LHX4: variants seen among roughly 807,000 people sequenced by gnomAD.
LHX4 encodes LIM/homeobox protein Lhx4.
LHX4 carries 16 observed loss-of-function variants against 39.2 expected under a neutral mutation model. That is an observed-to-expected ratio of 0.41 (90% CI 0.28 to 0.62). The LOEUF (loss-of-function observed/expected upper bound fraction) is 0.62, where lower values mean the gene tolerates loss of function less well. Ranked by LOEUF, LHX4 falls within the 20% of genes least tolerant of loss-of-function variation. The pLI is 0.33. For missense variants in LHX4, 439 were observed against 511.9 expected, an observed-to-expected ratio of 0.86 and a Z score of 1.37; for synonymous variants, 206 against 198.1, an observed-to-expected ratio of 1.04 and a Z score of -0.33.
upstream of LHX4, among the ~76,000 whole-genome samples, chr1:180,228,811 G>A (rs888193765): frequency 3.9e-5 from 6 of 152,206 alleles, no homozygotes; most frequent in African/African-American, 1.4e-4. Flanking sequence ...CCCTTGTTTG[G>A]AGATGACACC....
At position 180,255,385 on chromosome 1, in the gene LHX4, C is replaced by T. The variant is rs1357258013; in HGVS notation, c.248+6929C>T. Among the ~76,000 whole-genome samples, 8 of 152,184 alleles carry T rather than the reference C, an allele frequency of 5.3e-5. No homozygotes were observed. In the East Asian group the frequency reaches 5.8e-4, roughly 11 times the overall value. On this transcript the variant is annotated intron_variant, in intron 2 of 5. Coordinates refer to ENST00000263726, the MANE Select transcript of LHX4 (RefSeq NM_033343.4). ...ACACGCACACACACATGCATACACA[C>T]ACGCACACACGCGTGCACACACATG...
intron 1 of LHX4, among the ~76,000 whole-genome samples, chr1:180,239,283 C>G (rs1327833045): frequency 6.6e-6 from 1 of 152,234 alleles, no homozygotes; most frequent in Admixed American, 6.5e-5. Flanking sequence ...AAACCATCTT[C>G]CTTCTTTCTT....
At chr1:180,248,967 A>G (rs1307290300) in intron 2 of LHX4, among the ~76,000 whole-genome samples, 1 of 152,220 alleles carries the variant, frequency 6.6e-6, no homozygotes, top group Non-Finnish European at 1.5e-5. Context: ...GAGGCAAGCC[A>G]GGCTCGGTCA....
chr1:180,241,858 C>T (rs1432154121), intron 1 of LHX4, among the ~76,000 whole-genome samples: 1 of 151,912 alleles, frequency 6.6e-6, no homozygotes, highest in Non-Finnish European at 1.5e-5. Flanking sequence ...TACTCTGTTG[C>T]CCAGACTGGA....
At position 180,274,435 on chromosome 1, in the gene LHX4, T is replaced by C; in HGVS notation, c.1029T>C (p.His343=). The C allele has an allele frequency of 1.2e-6, 2 of 1,614,196 alleles. No homozygotes were observed. The highest frequency in any genetic ancestry group is 1.7e-6 in the Non-Finnish European group (2 of 1,180,034). Residue 343 remains histidine (H), a synonymous_variant, in exon 6 of 6, where the codon CAT becomes CAC. Transcript: ENST00000263726. ...ACAGTAATTTGGGCATCATTGCGCA[T>C]GCAGGGCAGGGAGTAAGCCAGACGC... ...TVDSNLGIIA[H]AGQGVSQTLR...
upstream of LHX4, chr1:180,230,187 C>T (rs1415602995): frequency 1.0e-5 from 4 of 398,504 alleles, no homozygotes. This position sits in a 1 kb window ranked among gnomAD's most constrained non-coding sequence, Gnocchi z 5.8. Flanking sequence ...GTGACCGCGG[C>T]CTCCCGGGCG....
At chr1:180,229,966 G>GGGGGGGC (rs1171507301), upstream of LHX4, among the ~76,000 whole-genome samples, 13 of 57,570 alleles carry the variant, frequency 2.3e-4, 1 homozygote, top group South Asian at 5.3e-4. Flanking sequence ...AGGCGGGGAG[G>GGGGGGGC]GGGGGGGGGT....
chr1:180,254,988 CAG>C (rs1275830193), intron 2 of LHX4, among the ~76,000 whole-genome samples: 2 of 152,160 alleles, frequency 1.3e-5, no homozygotes, highest in Non-Finnish European at 2.9e-5. Context: ...TAGTGGTGGT[CAG>C]GGGATTGAAC....
chr1:180,268,635 G>A (rs114976283), intron 3 of LHX4, among the ~76,000 whole-genome samples: 1 of 152,192 alleles, frequency 6.6e-6, no homozygotes, highest in African/African-American at 2.4e-5. Context: ...ATAGGATGAG[G>A]CTTGTGAAAT....
chr1:180,257,993 C>T (rs947659529), intron 2 of LHX4, among the ~76,000 whole-genome samples: 16 of 152,346 alleles, frequency 1.1e-4, no homozygotes, highest in African/African-American at 1.4e-4. Context: ...TCAAGCATTG[C>T]GCAGGACTGG....
intron 2 of LHX4, among the ~76,000 whole-genome samples, chr1:180,254,219 G>A (rs920829538): frequency 7.9e-5 from 12 of 152,178 alleles, no homozygotes; most frequent in Non-Finnish European, 1.6e-4. Flanking sequence ...TGTCTAAAAC[G>A]TCATGCTTCT....
intron 1 of LHX4, among the ~76,000 whole-genome samples, chr1:180,238,786 C>G (rs1664384978): frequency 6.6e-6 from 1 of 152,154 alleles, no homozygotes; most frequent in South Asian, 2.1e-4. Context: ...AAAACGAGAA[C>G]TATAAACGGT....
chr1:180,271,584 G>T, intron 4 of LHX4, 50 bp downstream of exon 4: 1 of 1,605,778 alleles, frequency 6.2e-7, no homozygotes, highest in Non-Finnish European at 8.5e-7. Context: ...GCCCGGGACA[G>T]GGGTGGAAGG....
intron 2 of LHX4, 104 bp downstream of exon 2, chr1:180,248,560 C>T: frequency 4.7e-6 from 6 of 1,276,688 alleles, no homozygotes; most frequent in African/African-American, 1.5e-5. Flanking sequence ...GTGGAGAGTC[C>T]ACTCTGGGAG....
At chr1:180,262,681 G>GA (rs56740419) in intron 2 of LHX4, among the ~76,000 whole-genome samples, 2,883 of 110,784 alleles carry the variant, frequency 0.026, 79 homozygotes, top group African/African-American at 0.072. Flanking sequence ...TACCAAACTT[G>GA]AAAAAAAAAA....
chr1:180,229,972 G>GGGGA (rs1664132620), upstream of LHX4, among the ~76,000 whole-genome samples: 1 of 143,516 alleles, frequency 7.0e-6, no homozygotes, highest in Non-Finnish European at 1.5e-5. Context: ...GGAGGGGGGG[G>GGGGA]GGGTGCCGGC....
chr1:180,256,281 C>T (rs1381338105), intron 2 of LHX4, among the ~76,000 whole-genome samples: 2 of 152,252 alleles, frequency 1.3e-5, no homozygotes, highest in Admixed American at 6.5e-5. Context: ...CATTCAAGGG[C>T]CCATGATCTG....
Position 180,230,314 on chromosome 1 carries a change from G to A in LHX4, c.-216G>A. 4 of 612,566 alleles carry A rather than the reference G, an allele frequency of 6.5e-6. No individual in the cohort carries two copies. Among genetic ancestry groups the A allele is most frequent in the Admixed American group, 2.6e-5 (1 of 37,766 alleles). The allele number at this position is 612,566 out of a possible 1,614,324, so 37.9% of individuals were successfully genotyped here. A position where few individuals can be genotyped will look rare whatever the true frequency, so the allele number is the denominator to read the frequency against. On this transcript the variant is annotated 5_prime_UTR_variant, in exon 1 of 6. Transcript: ENST00000263726. The surrounding 1 kb of genome is among the most constrained non-coding windows in gnomAD (Gnocchi z 5.8). ...CTGGGATGTGCACCAACCCCGGAGA[G>A]CGAGATCAAAGGGACTGGAAACAGA...
In LHX4 at chr1:180,260,089, C is replaced by T. The variant is rs75343034; in HGVS notation, c.249-6303C>T. ...GTGAGCCTGAGTTAAGTCACCCAGG[C>T]GGGAAGCAAGTGGAGCAGGGTGGCA... On this transcript the variant is annotated intron_variant, in intron 2 of 5. Transcript: ENST00000263726. Among the ~76,000 whole-genome samples the T allele has an allele frequency of 2.7e-3, 408 of 151,526 alleles. 13 individuals carry two copies. The highest frequency in any genetic ancestry group is 9.5e-3 in the African/African-American group (390 of 40,982).
Sources: gnomAD v4.1 joint callset for allele counts (sites outside exome capture counted in the v4.1 genomes callset) on GRCh38, gnomAD v4.1.1 for gene constraint, Gnocchi (gnomAD v3.1) non-coding constraint, MANE v1.5 for transcripts, NCBI Gene and HGNC (gene_info 2026-07-23, HGNC 2026-07-21) for gene names.